Variants in CCNY observed in about 807,000 individuals in gnomAD.
The protein encoded by CCNY is cyclin-Y.
In CCNY, 19 loss-of-function variants were observed where a neutral mutation model predicts 42.8. That is an observed-to-expected ratio of 0.44 (90% CI 0.31 to 0.65). The LOEUF (loss-of-function observed/expected upper bound fraction) is 0.65. CCNY is among the 30% of genes least tolerant of loss of function. The pLI, the probability that CCNY is intolerant of heterozygous loss-of-function variation, is 0.07. For synonymous variants in CCNY, 165 were observed against 162.7 expected (o/e 1.01, Z -0.11); for missense variants, 370 against 437.3 (o/e 0.85, Z 1.37).
chr10:35,288,793 A>G (rs1190390260), intron 3 of CCNY, among the ~76,000 whole-genome samples: 1 of 152,214 alleles, frequency 6.6e-6, no homozygotes. Context: ...TGGCCAAATC[A>G]ATATTCACCA....
intron 3 of CCNY, among the ~76,000 whole-genome samples, chr10:35,290,389 C>G (rs1835400379): frequency 6.6e-6 from 1 of 151,548 alleles, no homozygotes; most frequent in South Asian, 2.1e-4. Flanking sequence ...GCACTCTAGC[C>G]TGGGCAACAG....
chr10:35,488,563 A>G (rs905635020), intron 2 of CCNY, among the ~76,000 whole-genome samples: 3 of 152,168 alleles, frequency 2.0e-5, no homozygotes, highest in East Asian at 3.9e-4. Flanking sequence ...GGGCATGTCA[A>G]GTGCCATAGG....
chr10:35,366,056 T>C (rs1478290057), intron 1 of CCNY, among the ~76,000 whole-genome samples: 1 of 152,222 alleles, frequency 6.6e-6, no homozygotes, highest in Non-Finnish European at 1.5e-5. Context: ...TTAGAGTATG[T>C]TTAGTAAATG....
intron 5 of CCNY, among the ~76,000 whole-genome samples, chr10:35,526,693 G>C (rs1449069735): frequency 6.8e-6 from 1 of 147,804 alleles, no homozygotes; most frequent in Non-Finnish European, 1.5e-5. Context: ...TTTGTCAGTA[G>C]TGAGAAAGCT....
At chr10:35,311,688 CCA>C (rs1835685728) in intron 3 of CCNY, among the ~76,000 whole-genome samples, 2 of 149,844 alleles carry the variant, frequency 1.3e-5, no homozygotes, top group African/African-American at 4.9e-5. Flanking sequence ...CCCCACCCCC[CCA>C]AAAAAAAGTT....
chr10:35,443,591 G>A (rs766082076), intron 1 of CCNY, among the ~76,000 whole-genome samples: 21 of 152,128 alleles, frequency 1.4e-4, no homozygotes, highest in East Asian at 1.9e-4. Context: ...GACTTTCCTC[G>A]CAGTCTAATT....
intron 3 of CCNY, among the ~76,000 whole-genome samples, chr10:35,307,794 GTGTGTGTATATATATA>G (rs1835628498): frequency 1.3e-5 from 1 of 77,434 alleles, no homozygotes; most frequent in African/African-American, 6.6e-5. Context: ...GTGTGTGTGT[GTGTGTGTATATATATA>G]TATATATATT....
At chr10:35,510,163 C>A (rs948270944) in intron 3 of CCNY, among the ~76,000 whole-genome samples, 1 of 152,300 alleles carries the variant, frequency 6.6e-6, no homozygotes, top group South Asian at 2.1e-4. Context: ...TATATCACTT[C>A]TTTTCACAAA....
intron 3 of CCNY, among the ~76,000 whole-genome samples, chr10:35,287,875 C>T (rs757733626): frequency 6.6e-6 from 1 of 152,140 alleles, no homozygotes; most frequent in African/African-American, 2.4e-5. Context: ...ACGCTGCTCT[C>T]GAACTCCTGA....
At chr10:35,363,048 C>A (rs1291705355) in intron 1 of CCNY, among the ~76,000 whole-genome samples, 1 of 143,602 alleles carries the variant, frequency 7.0e-6, no homozygotes, top group South Asian at 2.4e-4. Flanking sequence ...CGGGCGGAGA[C>A]GCTCCTCACT....
At chr10:35,333,642 T>C (rs928510478), upstream of CCNY, among the ~76,000 whole-genome samples, 1 of 152,216 alleles carries the variant, frequency 6.6e-6, no homozygotes, top group Non-Finnish European at 1.5e-5. Context: ...TAGGTTTACT[T>C]ATCAAAGTGT....
intron 1 of CCNY, among the ~76,000 whole-genome samples, chr10:35,384,636 G>A (rs1358516480): frequency 1.3e-5 from 2 of 152,078 alleles, no homozygotes; most frequent in Non-Finnish European, 2.9e-5. Flanking sequence ...GGGCGGGGTG[G>A]GTACACATCA....
At chr10:35,255,927 C>T (rs539355319) in intron 3 of CCNY, among the ~76,000 whole-genome samples, 18 of 152,124 alleles carry the variant, frequency 1.2e-4, no homozygotes, top group Non-Finnish European at 2.2e-4. Context: ...CTGTACTGAA[C>T]CTTTTTATTA....
chr10:35,249,406 C>T (rs1200807674), intron 2 of CCNY, among the ~76,000 whole-genome samples: 1 of 152,098 alleles, frequency 6.6e-6, no homozygotes, highest in Non-Finnish European at 1.5e-5. Flanking sequence ...CAGAAAATCC[C>T]TAAATGGAAA....
chr10:35,498,778 C>T (rs1250155670), intron 2 of CCNY, among the ~76,000 whole-genome samples: 1 of 152,192 alleles, frequency 6.6e-6, no homozygotes, highest in Non-Finnish European at 1.5e-5. Context: ...CAGACTTCAT[C>T]TGCCAAAGAC....
rs564341489 is a variant in CCNY, at chr10:35,491,677, G to A, written c.229+8199G>A. Among the ~76,000 whole-genome samples, 26 of 152,038 alleles carry A rather than the reference G, an allele frequency of 1.7e-4. No individual in the cohort carries two copies. The East Asian group carries it at 4.9e-3, about 28-fold the overall frequency. On this transcript the variant is annotated intron_variant, in intron 2 of 9. Transcript: ENST00000374704. ...CGCCCAGGCTGGAGTGCAGTGGCAC[G>A]ATCTCGGCTCACTGCATGCTCTGCC...
At chr10:35,320,498 C>T (rs538481983) in intron 3 of CCNY, among the ~76,000 whole-genome samples, 6 of 152,252 alleles carry the variant, frequency 3.9e-5, no homozygotes, top group South Asian at 2.1e-4. Flanking sequence ...TCTGAAAAAC[C>T]TTCAGCTAAC....
chr10:35,250,460 C>G (rs1421542374), intron 2 of CCNY: 2 of 152,182 alleles, frequency 1.3e-5, no homozygotes, highest in African/African-American at 4.8e-5. Flanking sequence ...GTCCATGTAT[C>G]CTCAGAGTCA....
chr10:35,385,300 G>A (rs1837279450), intron 1 of CCNY, among the ~76,000 whole-genome samples: 1 of 152,134 alleles, frequency 6.6e-6, no homozygotes. Flanking sequence ...CCAGAGCAGG[G>A]ATATGCGAGT....
Sources: gnomAD v4.1 joint callset for allele counts (sites outside exome capture counted in the v4.1 genomes callset) on GRCh38, gnomAD v4.1.1 for gene constraint, MANE v1.5 for transcripts, NCBI Gene and HGNC (gene_info 2026-07-23, HGNC 2026-07-21) for gene names.